KCNMB2: variants seen among roughly 807,000 people sequenced by gnomAD.
KCNMB2 encodes calcium-activated potassium channel subunit beta-2.
A neutral mutation model predicts 24.5 loss-of-function variants in KCNMB2; 9 were observed. The observed-to-expected ratio is 0.37, with a 90% CI of 0.22 to 0.64. The LOEUF (loss-of-function observed/expected upper bound fraction) is 0.64. Ranked by LOEUF, KCNMB2 falls within the 30% of genes least tolerant of loss-of-function variation. The probability of loss-of-function intolerance (pLI) is 0.63; values close to 1 mark genes in which losing one functional copy is unlikely to be tolerated. For synonymous variants in KCNMB2, 109 were observed against 104.4 expected, an observed-to-expected ratio of 1.04 and a Z score of -0.27; for missense variants, 226 against 284.3, an observed-to-expected ratio of 0.79 and a Z score of 1.47.
intron 1 of KCNMB2, among the ~76,000 whole-genome samples, chr3:178,632,159 T>C (rs1240723904): frequency 6.6e-6 from 1 of 152,214 alleles, no homozygotes; most frequent in Non-Finnish European, 1.5e-5. Context: ...ACACAGAGGC[T>C]GAAAACACAG....
intron 1 of KCNMB2, among the ~76,000 whole-genome samples, chr3:178,563,461 A>G (rs1398603317): frequency 6.6e-6 from 1 of 152,122 alleles, no homozygotes; most frequent in Admixed American, 6.5e-5. Context: ...AGACTTGGAG[A>G]CTACCAGGGT....
At position 178,766,296 on chromosome 3, in the gene KCNMB2, C is replaced by T. The variant is rs182388898; in HGVS notation, c.-67-41047C>T. On this transcript the variant is annotated intron_variant, in intron 1 of 4. Transcript: ENST00000452583. ...ATACCCTCAAATTCCTGGGCTCAAGCGATCCTCCTGCCTTGGCCTCCCAAG... is the reference window on the plus strand; with the variant it reads ...ATACCCTCAAATTCCTGGGCTCAAGTGATCCTCCTGCCTTGGCCTCCCAAG... 4.9e-3 allele frequency among the ~76,000 whole-genome samples: 752 copies of T among 152,212 alleles called. 10 individuals carry two copies. Among genetic ancestry groups the T allele is most frequent in the Non-Finnish European group, 7.0e-3 (478 of 68,008 alleles).
chr3:178,555,152 A>G (rs903162096), intron 1 of KCNMB2, among the ~76,000 whole-genome samples: 7 of 152,180 alleles, frequency 4.6e-5, no homozygotes, highest in African/African-American at 1.4e-4. Context: ...GCTCAGGTGG[A>G]CTCTGCAACT....
intron 1 of KCNMB2, among the ~76,000 whole-genome samples, chr3:178,724,642 AC>A (rs1722908941): frequency 6.6e-6 from 1 of 152,276 alleles, no homozygotes; most frequent in Admixed American, 6.5e-5. Flanking sequence ...TTAAGGTCTT[AC>A]CCATAAATCT....
At chr3:178,743,898 C>T (rs547569249) in intron 1 of KCNMB2, among the ~76,000 whole-genome samples, 1 of 152,256 alleles carries the variant, frequency 6.6e-6, no homozygotes, top group South Asian at 2.1e-4. Flanking sequence ...AAAAGAGAGG[C>T]ATTGTTTGAA....
chr3:178,799,179 G>A (rs1287147948), intron 1 of KCNMB2, among the ~76,000 whole-genome samples: 1 of 152,148 alleles, frequency 6.6e-6, no homozygotes, highest in African/African-American at 2.4e-5. Flanking sequence ...GCCCTAGTTA[G>A]AGCAATCAGA....
chr3:178,834,451 G>A (rs1037982489), intron 4 of KCNMB2, among the ~76,000 whole-genome samples: 2 of 150,580 alleles, frequency 1.3e-5, no homozygotes, highest in East Asian at 3.9e-4. Context: ...TTATCCTTCT[G>A]ATAGATATTT....
At chr3:178,688,306 T>A (rs979176332) in intron 1 of KCNMB2, among the ~76,000 whole-genome samples, 1 of 152,170 alleles carries the variant, frequency 6.6e-6, no homozygotes, top group African/African-American at 2.4e-5. Context: ...AATTTTAAAA[T>A]CAAGTTTATG....
chr3:178,624,003 C>T (rs1459729922), intron 1 of KCNMB2, among the ~76,000 whole-genome samples: 1 of 152,194 alleles, frequency 6.6e-6, no homozygotes, highest in Non-Finnish European at 1.5e-5. Context: ...TTACATCAGA[C>T]ACAGCTGCCC....
chr3:178,809,720 T>C (rs1714111666), intron 2 of KCNMB2, among the ~76,000 whole-genome samples: 1 of 152,228 alleles, frequency 6.6e-6, no homozygotes, highest in South Asian at 2.1e-4. Flanking sequence ...TTGGTAATAT[T>C]TGTGGAGTTT....
At chr3:178,618,648 C>T (rs1468020254) in intron 1 of KCNMB2, among the ~76,000 whole-genome samples, 1 of 152,138 alleles carries the variant, frequency 6.6e-6, no homozygotes, top group Non-Finnish European at 1.5e-5. Context: ...ATGAAAGTTA[C>T]CGAAAGCCAT....
chr3:178,772,706 A>C (rs143634840), intron 1 of KCNMB2, among the ~76,000 whole-genome samples: 1 of 152,350 alleles, frequency 6.6e-6, no homozygotes, highest in Non-Finnish European at 1.5e-5. Context: ...AATGCAGATA[A>C]CACTGCCTTG....
At chr3:178,609,559 A>C (rs1718404248) in intron 1 of KCNMB2, among the ~76,000 whole-genome samples, 1 of 151,898 alleles carries the variant, frequency 6.6e-6, no homozygotes, top group South Asian at 2.1e-4. Context: ...TTGCCCAGAT[A>C]AATGTCCTGG....
chr3:178,787,720 T>G (rs1191364954), intron 1 of KCNMB2, among the ~76,000 whole-genome samples: 1 of 152,190 alleles, frequency 6.6e-6, no homozygotes, highest in Non-Finnish European at 1.5e-5. Flanking sequence ...ATAAGCTGAA[T>G]GTTGCCATCG....
chr3:178,780,983 T>G (rs1308646451), intron 1 of KCNMB2, among the ~76,000 whole-genome samples: 1 of 152,206 alleles, frequency 6.6e-6, no homozygotes, highest in Admixed American at 6.5e-5. Flanking sequence ...CAAATGTGGT[T>G]GGTCTGCACT....
chr3:178,693,780 C>T (rs138265551), intron 1 of KCNMB2, among the ~76,000 whole-genome samples: 35 of 152,212 alleles, frequency 2.3e-4, no homozygotes, highest in South Asian at 4.1e-4. Context: ...GGGAGGAGCC[C>T]CTAGTCCTCA....
intron 1 of KCNMB2, among the ~76,000 whole-genome samples, chr3:178,634,591 C>T (rs1719445487): frequency 6.6e-6 from 1 of 152,124 alleles, no homozygotes; most frequent in Admixed American, 6.5e-5. Flanking sequence ...CCAGGTCCTT[C>T]CCATGATACA....
chr3:178,596,954 T>C lies in KCNMB2; in HGVS notation c.-68+60243T>C, dbSNP rs554788176. On this transcript the variant is annotated intron_variant, in intron 1 of 4. Coordinates refer to ENST00000452583, the MANE Select transcript of KCNMB2 (RefSeq NM_181361.3). ...TTGTCTGCTTCATATTTAAGGTTTC[T>C]ATGTGGCATATGGCTGGAGAAGAGA... is the stretch of plus-strand genomic sequence containing the variant. 2.6e-5 allele frequency among the ~76,000 whole-genome samples: 4 copies of C among 152,274 alleles called. No individual in the cohort carries two copies. The South Asian group carries it at 8.3e-4, about 32-fold the overall frequency.
At chr3:178,571,869 T>C (rs1338560624) in intron 1 of KCNMB2, among the ~76,000 whole-genome samples, 1 of 152,150 alleles carries the variant, frequency 6.6e-6, no homozygotes, top group Non-Finnish European at 1.5e-5. Context: ...AAGTCATTCC[T>C]TTTTACGGCT....
Sources: allele counts gnomAD v4.1 joint callset (sites outside exome capture counted in the v4.1 genomes callset), GRCh38; gene constraint gnomAD v4.1.1; transcripts MANE v1.5; gene names NCBI Gene and HGNC (gene_info 2026-07-23, HGNC 2026-07-21).